SPATA17: variants seen among roughly 807,000 people sequenced by gnomAD.
The protein encoded by SPATA17 is spermatogenesis associated 17.
SPATA17 carries 53 observed loss-of-function variants against 62.2 expected under a neutral mutation model. The ratio of observed to expected loss-of-function variants is 0.85; its 90% CI spans 0.68 to 1.07. The LOEUF is 1.07. SPATA17 is among the 50% of genes least tolerant of loss of function. The probability of loss-of-function intolerance (pLI) is 0.00; values close to 1 mark genes in which losing one functional copy is unlikely to be tolerated. For synonymous variants in SPATA17, 146 were observed against 146.8 expected (o/e 0.99, Z 0.04); for missense variants, 466 against 425.5 (o/e 1.10, Z -0.84).
intron 9 of SPATA17, among the ~76,000 whole-genome samples, chr1:217,819,825 CA>C (rs1674816343): frequency 6.6e-6 from 1 of 151,924 alleles, no homozygotes; most frequent in African/African-American, 2.4e-5. Context: ...TGGATTTAGG[CA>C]GCTTCCATTT....
intron 9 of SPATA17, among the ~76,000 whole-genome samples, chr1:217,847,811 A>G (rs939674318): frequency 6.6e-6 from 1 of 152,084 alleles, no homozygotes; most frequent in African/African-American, 2.4e-5. Flanking sequence ...GGCAGAGGTG[A>G]GCAGATCTCT....
chr1:217,670,336 CCT>C (rs1354367166), intron 4 of SPATA17, among the ~76,000 whole-genome samples: 1 of 152,040 alleles, frequency 6.6e-6, no homozygotes, highest in Non-Finnish European at 1.5e-5. Flanking sequence ...GGAGATCCTC[CCT>C]CCCTTCTGCG....
chr1:217,754,190 G>A (rs567458377), intron 6 of SPATA17, among the ~76,000 whole-genome samples: 19 of 152,084 alleles, frequency 1.2e-4, no homozygotes, highest in South Asian at 8.3e-4. Context: ...AGCCATGATC[G>A]CGCCACTGTA....
chr1:217,757,956 TAATCCTTAC>T (rs908341193), intron 6 of SPATA17, among the ~76,000 whole-genome samples: 7 of 152,118 alleles, frequency 4.6e-5, no homozygotes, highest in African/African-American at 7.2e-5. Flanking sequence ...TCTTCCAGAG[TAATCCTTAC>T]AAGAATGAGA....
chr1:217,844,193 T>G (rs1675472511), intron 9 of SPATA17, among the ~76,000 whole-genome samples: 1 of 152,102 alleles, frequency 6.6e-6, no homozygotes, highest in African/African-American at 2.4e-5. Context: ...CAGGAAGGCC[T>G]GCATATGCAA....
chr1:217,817,433 G>A (rs551771303), intron 9 of SPATA17, among the ~76,000 whole-genome samples: 2 of 152,106 alleles, frequency 1.3e-5, no homozygotes, highest in South Asian at 2.1e-4. Flanking sequence ...TGTGAAGAAG[G>A]ACATGTTTGC....
chr1:217,839,728 A>C (rs1198260264), intron 9 of SPATA17, among the ~76,000 whole-genome samples: 1 of 151,958 alleles, frequency 6.6e-6, no homozygotes, highest in African/African-American at 2.4e-5. Context: ...AAATGTATGT[A>C]TAATACAACA....
chr1:217,857,841 A>G (rs1406591901), intron 9 of SPATA17, among the ~76,000 whole-genome samples: 1 of 152,194 alleles, frequency 6.6e-6, no homozygotes, highest in East Asian at 1.9e-4. Context: ...TTTGGAGGAC[A>G]TAGAAGGTGC....
intron 5 of SPATA17, among the ~76,000 whole-genome samples, chr1:217,696,359 A>G (rs1158360936): frequency 2.0e-5 from 3 of 152,130 alleles, no homozygotes; most frequent in South Asian, 2.1e-4. Flanking sequence ...GCTCGCGCAC[A>G]GTGCGCGCAC....
intron 5 of SPATA17, among the ~76,000 whole-genome samples, chr1:217,723,974 T>C (rs1237011601): frequency 6.6e-6 from 1 of 152,136 alleles, no homozygotes; most frequent in Non-Finnish European, 1.5e-5. Context: ...GGAGCTAACC[T>C]CCAATCAAAT....
chr1:217,713,119 C>T (rs752984865), intron 5 of SPATA17, among the ~76,000 whole-genome samples: 3 of 152,130 alleles, frequency 2.0e-5, no homozygotes, highest in Admixed American at 6.6e-5. Context: ...TCATCTTTCT[C>T]GGTCACAGTG....
At chr1:217,659,651 A>G (rs936892541) in intron 3 of SPATA17, among the ~76,000 whole-genome samples, 2 of 152,082 alleles carry the variant, frequency 1.3e-5, no homozygotes, top group African/African-American at 2.4e-5. Context: ...ATAGATCCAC[A>G]TACTAAATAC....
intron 9 of SPATA17, among the ~76,000 whole-genome samples, chr1:217,850,033 T>C (rs1675612041): frequency 6.6e-6 from 1 of 152,138 alleles, no homozygotes; most frequent in African/African-American, 2.4e-5. Flanking sequence ...CTGGTTTCAC[T>C]GAATATGTAG....
chr1:217,818,348 T>C (rs1674774321), intron 9 of SPATA17, among the ~76,000 whole-genome samples: 1 of 152,098 alleles, frequency 6.6e-6, no homozygotes, highest in African/African-American at 2.4e-5. Context: ...TGGGGATATG[T>C]TCAGAGAAAT....
At chr1:217,775,342 T>G (rs61825810) in intron 7 of SPATA17, among the ~76,000 whole-genome samples, 4,684 of 152,268 alleles carry the variant, frequency 0.031, 105 homozygotes, top group Middle Eastern at 0.058. Flanking sequence ...CCTTATCAGA[T>G]ACATGGTTTG....
At chr1:217,864,223 G>A (rs185667247) in intron 10 of SPATA17, among the ~76,000 whole-genome samples, 8 of 152,200 alleles carry the variant, frequency 5.3e-5, no homozygotes, top group East Asian at 1.9e-4. Flanking sequence ...TAAATAAAAT[G>A]TCTCATATTT....
chr1:217,687,167 T>C (rs762962600), intron 5 of SPATA17, among the ~76,000 whole-genome samples: 57 of 152,224 alleles, frequency 3.7e-4, no homozygotes, highest in Non-Finnish European at 7.1e-4. Flanking sequence ...ACTGCTTTTT[T>C]AGTAATTAAA....
intron 6 of SPATA17, among the ~76,000 whole-genome samples, chr1:217,749,985 C>CTCTCTCTCTCTCTCTCTCTATATATATA: frequency 8.1e-5 from 1 of 12,312 alleles, no homozygotes; most frequent in Non-Finnish European, 1.6e-4. Context: ...CTCTCTCTCT[C>CTCTCTCTCTCTCTCTCTCTATATATATA]TATATATATA....
At chr1:217,717,580 G>T (rs1214067076) in intron 5 of SPATA17, among the ~76,000 whole-genome samples, 2 of 152,108 alleles carry the variant, frequency 1.3e-5, no homozygotes, top group Non-Finnish European at 2.9e-5. Flanking sequence ...CACTGCCCTA[G>T]CCTGGGTGAC....
Sources: gnomAD v4.1 joint callset for allele counts (sites outside exome capture counted in the v4.1 genomes callset) on GRCh38, gnomAD v4.1.1 for gene constraint, MANE v1.5 for transcripts, NCBI Gene and HGNC (gene_info 2026-07-23, HGNC 2026-07-21) for gene names.